Variants in EHBP1 observed in about 807,000 individuals in gnomAD.
EHBP1 encodes the protein EH domain-binding protein 1.
EHBP1 carries 55 observed loss-of-function variants against 144.0 expected under a neutral mutation model. The observed-to-expected ratio is 0.38, with a 90% CI of 0.31 to 0.48. EHBP1 has a LOEUF of 0.48. EHBP1 is among the 20% of genes least tolerant of loss of function. The pLI is 0.98. For synonymous variants in EHBP1, 469 were observed against 472.7 expected (o/e 0.99, Z 0.10); for missense variants, 1,200 against 1,364.2 (o/e 0.88, Z 1.90).
intron 19 of EHBP1, among the ~76,000 whole-genome samples, chr2:63,022,980 C>T (rs1296151322): frequency 6.6e-6 from 1 of 152,086 alleles, no homozygotes; most frequent in African/African-American, 2.4e-5. Flanking sequence ...TCGAGACCAG[C>T]CTGGCCAATA....
chr2:62,942,670 T>C (rs1331977097), intron 10 of EHBP1, 48 bp from the exon 11 acceptor site: 1 of 1,482,320 alleles, frequency 6.7e-7, no homozygotes, highest in South Asian at 1.3e-5. Flanking sequence ...TTAATTTTCA[T>C]CTTCCATTAA....
At chr2:62,870,573 G>A (rs2050379784) in intron 9 of EHBP1, among the ~76,000 whole-genome samples, 1 of 151,698 alleles carries the variant, frequency 6.6e-6, no homozygotes, top group Non-Finnish European at 1.5e-5. Flanking sequence ...AAAATTAGCT[G>A]GGTGTAGTGG....
intron 10 of EHBP1, among the ~76,000 whole-genome samples, chr2:62,887,388 G>C (rs983749552): frequency 3.3e-5 from 5 of 151,920 alleles, no homozygotes; most frequent in African/African-American, 4.8e-5. Flanking sequence ...CCTAAATCTT[G>C]GTGTCTCTCT....
chr2:63,045,266 G>T lies in EHBP1; in HGVS notation c.3392+86G>T. On this transcript the variant is annotated intron_variant, in intron 22 of 22. Transcript: ENST00000431489. The surrounding 1 kb of genome is among the most constrained non-coding windows in gnomAD (Gnocchi z 5.7). ...CGGAAAGTTCAATCCAGAGGTCGCG[G>T]GAGGGCCGGGGCAGCCTCCCACTGG... The T allele has an allele frequency of 7.0e-7, 1 of 1,421,598 alleles. No homozygotes were observed. The highest frequency in any genetic ancestry group is 2.0e-5 in the Admixed American group (1 of 50,498). The allele number at this position is 1,421,598 out of a possible 1,614,324, so 88.1% of individuals were successfully genotyped here. A position where few individuals can be genotyped will look rare whatever the true frequency, so the allele number is the denominator to read the frequency against.
chr2:62,860,679 A>C (rs534852387), intron 8 of EHBP1, among the ~76,000 whole-genome samples: 1 of 152,168 alleles, frequency 6.6e-6, no homozygotes, highest in Admixed American at 6.5e-5. Flanking sequence ...ACTACATACA[A>C]TTAAGTATAC....
intron 19 of EHBP1, among the ~76,000 whole-genome samples, chr2:63,009,112 T>C (rs1202550442): frequency 6.6e-6 from 1 of 151,684 alleles, no homozygotes; most frequent in African/African-American, 2.4e-5. Context: ...TTTGTTTTTG[T>C]ATTGATGTGA....
chr2:62,765,403 A>T (rs1050831758), intron 4 of EHBP1, among the ~76,000 whole-genome samples: 1 of 152,122 alleles, frequency 6.6e-6, no homozygotes, highest in African/African-American at 2.4e-5. Flanking sequence ...GCTGTTAAAT[A>T]TTTATTAATT....
At chr2:62,942,325 C>A (rs570234150) in intron 10 of EHBP1, among the ~76,000 whole-genome samples, 2 of 152,272 alleles carry the variant, frequency 1.3e-5, no homozygotes, top group East Asian at 3.9e-4. Context: ...CCTCGAAATA[C>A]ATTATTTTTA....
chr2:62,748,869 C>T (rs1282430753), intron 3 of EHBP1, among the ~76,000 whole-genome samples: 1 of 152,034 alleles, frequency 6.6e-6, no homozygotes, highest in East Asian at 1.9e-4. Flanking sequence ...TGAGCTAAAA[C>T]TTACATATGT....
At chr2:62,998,844 C>G (rs1009766870) in intron 19 of EHBP1, among the ~76,000 whole-genome samples, 4 of 152,150 alleles carry the variant, frequency 2.6e-5, no homozygotes, top group African/African-American at 9.7e-5. Flanking sequence ...CTCCCAAGTT[C>G]ATAAGCTCCA....
At chr2:63,023,962 T>C (rs1221290900) in intron 19 of EHBP1, among the ~76,000 whole-genome samples, 1 of 152,258 alleles carries the variant, frequency 6.6e-6, no homozygotes, top group East Asian at 1.9e-4. Flanking sequence ...AAGTCATAAA[T>C]ATTTTATTTT....
At chr2:62,799,412 T>C (rs2043813845) in intron 5 of EHBP1, among the ~76,000 whole-genome samples, 1 of 152,236 alleles carries the variant, frequency 6.6e-6, no homozygotes, top group African/African-American at 2.4e-5. Flanking sequence ...TAAATTGTAA[T>C]AGTTAATTAT....
chr2:63,024,976 A>G (rs936451224), intron 19 of EHBP1, among the ~76,000 whole-genome samples: 3 of 152,082 alleles, frequency 2.0e-5, no homozygotes, highest in Admixed American at 6.5e-5. Context: ...AGCCTGGGCA[A>G]CAGAGCGAGA....
At chr2:62,832,038 A>G (rs931858557) in intron 7 of EHBP1, among the ~76,000 whole-genome samples, 2 of 152,234 alleles carry the variant, frequency 1.3e-5, no homozygotes, top group South Asian at 2.1e-4. Flanking sequence ...CAAGAAATCT[A>G]TCATAAGGAA....
intron 10 of EHBP1, among the ~76,000 whole-genome samples, chr2:62,918,320 G>C (rs924374772): frequency 2.6e-5 from 4 of 152,108 alleles, no homozygotes; most frequent in African/African-American, 9.7e-5. Flanking sequence ...ACGGGCTGCT[G>C]GTCCAAATGA....
intron 10 of EHBP1, chr2:62,881,681 C>A (rs1436157490): frequency 6.6e-6 from 1 of 152,136 alleles, no homozygotes; most frequent in Non-Finnish European, 1.5e-5. Context: ...TGGCTTGTCA[C>A]TCTTTTTTAG....
chr2:63,029,325 A>C (rs2061130122), intron 19 of EHBP1, among the ~76,000 whole-genome samples: 1 of 152,026 alleles, frequency 6.6e-6, no homozygotes, highest in Non-Finnish European at 1.5e-5. Context: ...GACTAATGGA[A>C]CACTAACTAT....
chr2:62,788,823 A>T (rs1028095401), intron 5 of EHBP1, among the ~76,000 whole-genome samples: 3 of 152,244 alleles, frequency 2.0e-5, no homozygotes, highest in Admixed American at 1.3e-4. Flanking sequence ...TGTTGAAGGC[A>T]TGCTGTGACC....
At chr2:63,025,307 G>A (rs2153311948) in intron 19 of EHBP1, among the ~76,000 whole-genome samples, 1 of 152,316 alleles carries the variant, frequency 6.6e-6, no homozygotes, top group African/African-American at 2.4e-5. Flanking sequence ...TGTCACCCAG[G>A]CTGGATTGCT....
Sources: gnomAD v4.1 joint callset for allele counts (sites outside exome capture counted in the v4.1 genomes callset) on GRCh38, gnomAD v4.1.1 for gene constraint, Gnocchi (gnomAD v3.1) non-coding constraint, MANE v1.5 for transcripts, NCBI Gene and HGNC (gene_info 2026-07-23, HGNC 2026-07-21) for gene names.